The following HGSNAT variants were observed in gnomAD, a reference collection of about 807,000 sequenced individuals.
HGSNAT encodes the protein transmembrane protein 76.
A neutral mutation model predicts 85.2 loss-of-function variants in HGSNAT; 59 were observed. The ratio of observed to expected loss-of-function variants is 0.69; its 90% confidence interval spans 0.56 to 0.86. The LOEUF is 0.86. HGSNAT is among the 40% of genes least tolerant of loss of function. HGSNAT has a pLI of 0.00. For missense variants in HGSNAT, 756 were observed against 777.1 expected, an observed-to-expected ratio of 0.97 and a Z score of 0.32; for synonymous variants, 321 against 304.5, an observed-to-expected ratio of 1.05 and a Z score of -0.56.
intron 5 of HGSNAT, among the ~76,000 whole-genome samples, chr8:43,163,758 C>T (rs924179558): frequency 1.3e-5 from 2 of 152,116 alleles, no homozygotes; most frequent in African/African-American, 4.8e-5. Flanking sequence ...CCTCGTGATC[C>T]ACCTGCCTCT....
At chr8:43,190,291 C>G (rs1165120189) in intron 11 of HGSNAT, among the ~76,000 whole-genome samples, 1 of 152,194 alleles carries the variant, frequency 6.6e-6, no homozygotes, top group African/African-American at 2.4e-5. Context: ...ATTTGGGGTC[C>G]TATTCAACAA....
intron 5 of HGSNAT, among the ~76,000 whole-genome samples, chr8:43,167,701 C>T (rs965133781): frequency 1.2e-4 from 18 of 152,050 alleles, no homozygotes; most frequent in African/African-American, 4.3e-4. Flanking sequence ...TATGCCTGTA[C>T]TGGTTTCTCT....
intron 11 of HGSNAT, among the ~76,000 whole-genome samples, chr8:43,189,688 G>A (rs1003351251): frequency 1.3e-5 from 2 of 152,174 alleles, no homozygotes; most frequent in African/African-American, 2.4e-5. Context: ...TGTCTTCTGC[G>A]TCGCTCACAC....
intron 9 of HGSNAT, among the ~76,000 whole-genome samples, chr8:43,177,643 G>T (rs1370022174): frequency 6.6e-6 from 1 of 151,978 alleles, no homozygotes; most frequent in Admixed American, 6.6e-5. Context: ...TAGACTAAAT[G>T]GAGAGAGAAA....
At chr8:43,161,414 A>T (rs1453072441) in intron 4 of HGSNAT, 24 bp from the exon 5 acceptor site, 1 of 1,598,852 alleles carries the variant, frequency 6.3e-7, no homozygotes, top group African/African-American at 1.3e-5. Context: ...TTGGGGGCTA[A>T]TGTGTTTTCT....
intron 15 of HGSNAT, 118 bp from the exon 16 acceptor site, chr8:43,197,554 A>T: frequency 1.4e-6 from 1 of 736,112 alleles, no homozygotes; most frequent in Non-Finnish European, 2.3e-6. Flanking sequence ...GAAAAATATA[A>T]GGCACAAGTT....
At chr8:43,192,688 C>T (rs1804579286) in intron 13 of HGSNAT, among the ~76,000 whole-genome samples, 1 of 150,196 alleles carries the variant, frequency 6.7e-6, no homozygotes, top group Non-Finnish European at 1.5e-5. Context: ...CTCGGGAGGC[C>T]AAGGTGAGAG....
intron 1 of HGSNAT, among the ~76,000 whole-genome samples, chr8:43,142,004 T>C (rs1802566375): frequency 6.6e-6 from 1 of 152,210 alleles, no homozygotes; most frequent in Non-Finnish European, 1.5e-5. Context: ...GAGCCCATGT[T>C]TGGGCCGCAC....
intron 11 of HGSNAT, among the ~76,000 whole-genome samples, chr8:43,190,708 GTTAGT>G (rs772670074): frequency 1.3e-5 from 2 of 152,054 alleles, no homozygotes; most frequent in Non-Finnish European, 2.9e-5. Context: ...TTTGAATTTC[GTTAGT>G]TTACTTATTT....
At chr8:43,196,545 C>G (rs1804734163) in intron 14 of HGSNAT, 1 of 1,282,906 alleles carries the variant, frequency 7.8e-7, no homozygotes. Flanking sequence ...GCCCAGGTGC[C>G]CCTTCTCCTC....
In HGSNAT at chr8:43,178,114, A is replaced by T; in HGVS notation, c.892A>T (p.Thr298Ser). ...IMGSSIFLSM[T>S]SILQRGCSKF... ...GGGATCTTCCATTTTTCTATCGATG[A>T]CTTCTATACTGCAACGGGGGTGTTC... Residue 298 changes from threonine to serine, a missense_variant, in exon 10 of 18, where the codon ACT becomes TCT. Physicochemically the swap from Thr to Ser is moderately conservative, Grantham distance 58. Transcript: ENST00000379644. 1 of 1,611,998 alleles carries T rather than the reference A, an allele frequency of 6.2e-7. No homozygotes were observed. Among genetic ancestry groups the T allele is most frequent in the South Asian group, 1.1e-5 (1 of 90,348 alleles).
At position 43,173,613 on chromosome 8, in the gene HGSNAT, G is replaced by A. The variant is rs895798799; in HGVS notation, c.821-100G>A. 4 of 1,315,772 alleles carry A rather than the reference G, an allele frequency of 3.0e-6. No homozygotes were observed. In the African/African-American group the frequency reaches 5.8e-5, roughly 19 times the overall value. The allele number at this position is 1,315,772 out of a possible 1,614,324, so 81.5% of individuals were successfully genotyped here. ...GGCATGAGTCACTGCGCCTCCCCTG[G>A]GTTTACTTTCTATACCAGTGTGTAA... On this transcript the variant is annotated intron_variant, in intron 8 of 17. Coordinates refer to ENST00000379644, the MANE Select transcript of HGSNAT (RefSeq NM_152419.3).
At chr8:43,196,539 A>G in intron 14 of HGSNAT, 1 of 1,289,722 alleles carries the variant, frequency 7.8e-7, no homozygotes, top group South Asian at 1.2e-5. Flanking sequence ...GAGCCTGCCC[A>G]GGTGCCCCTT....
chr8:43,152,898 T>C (rs559252331), intron 2 of HGSNAT, among the ~76,000 whole-genome samples: 1 of 152,282 alleles, frequency 6.6e-6, no homozygotes, highest in East Asian at 1.9e-4. Flanking sequence ...GTAAATAGAA[T>C]TCATTATATA....
intron 11 of HGSNAT, 74 bp from the exon 12 acceptor site, chr8:43,191,400 C>T (rs922622493): frequency 1.3e-6 from 2 of 1,549,064 alleles, no homozygotes; most frequent in African/African-American, 2.7e-5. Flanking sequence ...CCGGGAATTT[C>T]CTAAAGACAT....
chr8:43,180,016 G>A (rs1803996207), intron 10 of HGSNAT, among the ~76,000 whole-genome samples: 2 of 110,584 alleles, frequency 1.8e-5, no homozygotes, highest in South Asian at 6.6e-4. Flanking sequence ...CGGCCGGGCA[G>A]AGGAGCCCCT....
At chr8:43,179,361 G>A (rs758828786) in intron 10 of HGSNAT, among the ~76,000 whole-genome samples, 1,669 of 138,132 alleles carry the variant, frequency 0.012, 2 homozygotes, top group Non-Finnish European at 0.016. Context: ...CTGGCTGGGC[G>A]GGGGGCTGTC....
chr8:43,145,477 GCA>G (rs539143272), intron 1 of HGSNAT, among the ~76,000 whole-genome samples: 172 of 152,286 alleles, frequency 1.1e-3, no homozygotes, highest in Non-Finnish European at 2.2e-3. Flanking sequence ...TTGAGGCCCG[GCA>G]CAGTGGCTCA....
chr8:43,169,654 A>T (rs1048543375), intron 6 of HGSNAT, among the ~76,000 whole-genome samples: 2 of 152,164 alleles, frequency 1.3e-5, no homozygotes, highest in African/African-American at 4.8e-5. Context: ...ATTTATGGGG[A>T]TGTTGGCTTC....
Sources: allele counts gnomAD v4.1 joint callset (sites outside exome capture counted in the v4.1 genomes callset), GRCh38; gene constraint gnomAD v4.1.1; transcripts MANE v1.5; gene names NCBI Gene and HGNC (gene_info 2026-07-23, HGNC 2026-07-21).